FRAS1: variants seen among roughly 807,000 people sequenced by gnomAD.
FRAS1 encodes the protein extracellular matrix organizing protein FRAS1.
In FRAS1, 290 loss-of-function variants were observed where a neutral mutation model predicts 435.2. The observed-to-expected ratio is 0.67, with a 90% CI of 0.61 to 0.73. The LOEUF is 0.73. Ranked by LOEUF, FRAS1 falls within the 30% of genes least tolerant of loss-of-function variation. FRAS1 has a pLI of 0.00. For missense variants in FRAS1, 4,860 were observed against 5,001.5 expected (o/e 0.97, Z 0.85); for synonymous variants, 1,800 against 1,851.0 (o/e 0.97, Z 0.71).
intron 17 of FRAS1, 118 bp downstream of exon 17, chr4:78,317,626 T>G: frequency 1.1e-6 from 1 of 914,648 alleles, no homozygotes; most frequent in Non-Finnish European, 1.6e-6. Context: ...TTTATGGCTA[T>G]CCATACATTA....
intron 14 of FRAS1, 75 bp from the exon 15 acceptor site, chr4:78,307,991 A>C (rs563711870): frequency 2.1e-6 from 3 of 1,429,956 alleles, no homozygotes; most frequent in Non-Finnish European, 2.8e-6. Flanking sequence ...TGTGTATTCT[A>C]AAATATTTAA....
chr4:78,401,261 T>C (rs1578300308), intron 30 of FRAS1, among the ~76,000 whole-genome samples: 1 of 152,300 alleles, frequency 6.6e-6, no homozygotes, highest in South Asian at 2.1e-4. Context: ...ACTAGACTTC[T>C]TCTTAATGAG....
chr4:78,490,653 A>C (rs1720321127), intron 59 of FRAS1, among the ~76,000 whole-genome samples: 1 of 152,242 alleles, frequency 6.6e-6, no homozygotes. Flanking sequence ...CAGCTAAAGC[A>C]ATGTTTAGAG....
intron 9 of FRAS1, among the ~76,000 whole-genome samples, chr4:78,269,030 T>A (rs1278614239): frequency 6.6e-6 from 1 of 152,264 alleles, no homozygotes. Flanking sequence ...TTTAAAGCCC[T>A]GGGTTCTAAA....
intron 31 of FRAS1, among the ~76,000 whole-genome samples, chr4:78,409,118 CAAAA>C (rs35627834): frequency 1.1e-5 from 1 of 94,352 alleles, no homozygotes; most frequent in African/African-American, 4.0e-5. Flanking sequence ...GACCCTCTCT[CAAAA>C]AAAAAAAAAA....
intron 18 of FRAS1, 74 bp from the exon 19 acceptor site, chr4:78,333,198 T>C: frequency 6.7e-7 from 1 of 1,502,790 alleles, no homozygotes; most frequent in South Asian, 1.4e-5. Flanking sequence ...GGAATGTTAA[T>C]GGGAGAGATA....
chr4:78,538,911 C>T (rs912313813), intron 72 of FRAS1, among the ~76,000 whole-genome samples: 2 of 150,258 alleles, frequency 1.3e-5, no homozygotes, highest in African/African-American at 2.5e-5. Flanking sequence ...GCTGAGATCG[C>T]GCCACTGCAC....
intron 18 of FRAS1, among the ~76,000 whole-genome samples, chr4:78,321,772 G>A (rs1729516710): frequency 6.6e-6 from 1 of 151,330 alleles, no homozygotes; most frequent in African/African-American, 2.4e-5. Context: ...TTGAACTCGG[G>A]GGCGGGGGTT....
intron 18 of FRAS1, among the ~76,000 whole-genome samples, chr4:78,328,716 G>A (rs1294721187): frequency 6.6e-6 from 1 of 152,184 alleles, no homozygotes; most frequent in Non-Finnish European, 1.5e-5. Flanking sequence ...AATTTGGGAA[G>A]ATTGTGTTAA....
At chr4:78,382,311 GATAA>G (rs1028497254) in intron 27 of FRAS1, among the ~76,000 whole-genome samples, 18 of 151,800 alleles carry the variant, frequency 1.2e-4, no homozygotes, top group African/African-American at 2.9e-4. Flanking sequence ...TTTTAAAAAT[GATAA>G]ATAATGTATT....
rs113703941 is a variant in FRAS1 at position 78,282,780 on chromosome 4, G to A, written c.1108-40G>A. On this transcript the variant is annotated intron_variant, in intron 11 of 73. Transcript: ENST00000512123. ...GCAGCAAGCTCTCTTCTGAATTACTGCATCCTGATGACAATGCTGTTCTTC... is the reference window on the plus strand; with the variant it reads ...GCAGCAAGCTCTCTTCTGAATTACTACATCCTGATGACAATGCTGTTCTTC... The A allele has an allele frequency of 1.6e-3, 2,552 of 1,607,274 alleles. 2 individuals are homozygous for A. Among genetic ancestry groups the A allele is most frequent in the Non-Finnish European group, 2.0e-3 (2,306 of 1,176,868 alleles).
intron 27 of FRAS1, among the ~76,000 whole-genome samples, chr4:78,382,319 ATGTATTTTATTTATAATGC>A (rs1419497575): frequency 2.2e-4 from 33 of 152,042 alleles, no homozygotes; most frequent in African/African-American, 4.1e-4. Flanking sequence ...ATGATAAATA[ATGTATTTTATTTATAATGC>A]TGTATTTTAT....
intron 14 of FRAS1, among the ~76,000 whole-genome samples, chr4:78,300,131 G>A (rs1728318065): frequency 6.6e-6 from 1 of 152,184 alleles, no homozygotes; most frequent in African/African-American, 2.4e-5. Flanking sequence ...TAATGAAAGG[G>A]TGGTAGAATA....
intron 2 of FRAS1, among the ~76,000 whole-genome samples, chr4:78,101,912 T>C (rs547489446): frequency 6.6e-6 from 1 of 152,280 alleles, no homozygotes; most frequent in African/African-American, 2.4e-5. Flanking sequence ...CTCGTGTCCA[T>C]TTGTTCACTA....
chr4:78,249,942 T>A (rs1264373188), intron 4 of FRAS1, among the ~76,000 whole-genome samples: 2 of 152,176 alleles, frequency 1.3e-5, no homozygotes, highest in Admixed American at 1.3e-4. Context: ...TTTAGAGCAG[T>A]CTTCTAATTT....
intron 2 of FRAS1, among the ~76,000 whole-genome samples, chr4:78,090,704 A>G (rs1741472355): frequency 6.6e-6 from 1 of 152,192 alleles, no homozygotes; most frequent in South Asian, 2.1e-4. Context: ...CATTGTCATT[A>G]AGAGAACAAA....
chr4:78,518,984 C>T (rs184519446), intron 66 of FRAS1, among the ~76,000 whole-genome samples: 17 of 152,246 alleles, frequency 1.1e-4, no homozygotes, highest in East Asian at 1.9e-4. Flanking sequence ...CCACATCCAC[C>T]GGGTTGATCC....
intron 29 of FRAS1, among the ~76,000 whole-genome samples, chr4:78,389,588 CCCTGGGAGATGAGGTTTAG>C (rs1289574526): frequency 6.6e-6 from 1 of 152,170 alleles, no homozygotes; most frequent in Non-Finnish European, 1.5e-5. Flanking sequence ...CTTGCGATGG[CCCTGGGAGATGAGGTTTAG>C]TTCTGGACAG....
chr4:78,121,397 G>A (rs1719014535), intron 2 of FRAS1, among the ~76,000 whole-genome samples: 1 of 152,146 alleles, frequency 6.6e-6, no homozygotes, highest in African/African-American at 2.4e-5. Flanking sequence ...CACTAAGAGG[G>A]GCCTCTGTAA....
Sources: allele counts gnomAD v4.1 joint callset (sites outside exome capture counted in the v4.1 genomes callset), GRCh38; gene constraint gnomAD v4.1.1; transcripts MANE v1.5; gene names NCBI Gene and HGNC (gene_info 2026-07-23, HGNC 2026-07-21).